The following CDKN2B-AS1 variants were observed in gnomAD, a reference collection of about 807,000 sequenced individuals.
CDKN2B-AS1 encodes CDKN2B and CDKN2A antisense cis and trans regulatory RNA 1, also known as CDKN2B antisense RNA 1 (non-protein coding).
intron 1 of CDKN2B-AS1, among the ~76,000 whole-genome samples, chr9:22,011,938 AAGAG>A (rs1821526738): frequency 6.6e-6 from 1 of 152,216 alleles, no homozygotes. Flanking sequence ...AGAAGAAAGA[AAGAG>A]AAAGTTAATG....
intron 4 of CDKN2B-AS1, among the ~76,000 whole-genome samples, chr9:22,058,194 C>T (rs990932288): frequency 6.6e-6 from 1 of 152,180 alleles, no homozygotes; most frequent in African/African-American, 2.4e-5. Context: ...AACTCCATCT[C>T]AAAAATGAAA....
chr9:22,108,711 T>C lies in CDKN2B-AS1; in HGVS notation n.439-18392T>C, dbSNP rs577156344. 5.9e-5 allele frequency among the ~76,000 whole-genome samples: 9 copies of C among 152,344 alleles called. No individual in the cohort carries two copies. In the East Asian group the frequency reaches 1.7e-3, roughly 29 times the overall value. On this transcript the variant is annotated intron_variant and non_coding_transcript_variant, in intron 4 of 4. Coordinates refer to ENST00000650946, the Ensembl canonical transcript of CDKN2B-AS1. The stretch of plus-strand genomic sequence containing the variant: ...TTTAAAAAGTCTCCCAAATGGATTA[T>C]ATTTAATTGTCCATTTCCAATGAAA...
Position 22,039,343 on chromosome 9 carries a change from G to A in CDKN2B-AS1, n.30-7408G>A, listed in dbSNP as rs1183186110. On this transcript the variant is annotated intron_variant and non_coding_transcript_variant, in intron 1 of 4. Transcript: ENST00000650946. This position sits in a 1 kb window ranked among gnomAD's most constrained non-coding sequence, Gnocchi z 4.4. ...AATCCCTCAGTAGTCCTGTCTTTAT[G>A]AAACCAGTATAATTTTTCTTTTCGC... 6.6e-6 allele frequency among the ~76,000 whole-genome samples: 1 copy of A among 151,908 alleles called. No individual in the cohort carries two copies. Among genetic ancestry groups the A allele is most frequent in the African/African-American group, 2.4e-5 (1 of 41,374 alleles).
intron 1 of CDKN2B-AS1, among the ~76,000 whole-genome samples, chr9:22,043,042 CTT>C (rs1304909373): frequency 6.6e-6 from 1 of 152,028 alleles, no homozygotes; most frequent in African/African-American, 2.4e-5. Context: ...TTTTTAGCGT[CTT>C]TTCTCTCCAT....
At chr9:22,066,438 A>T (rs964298316) in intron 4 of CDKN2B-AS1, 1 of 151,736 alleles carries the variant, frequency 6.6e-6, no homozygotes, top group Non-Finnish European at 1.5e-5. Flanking sequence ...CCAGAGATCC[A>T]CCTGCCTCAG....
chr9:22,044,043 A>G (rs554244197), intron 1 of CDKN2B-AS1, among the ~76,000 whole-genome samples: 1 of 152,132 alleles, frequency 6.6e-6, no homozygotes, highest in Non-Finnish European at 1.5e-5. Flanking sequence ...TATCCTCACA[A>G]CAAATTTTAG....
chr9:22,027,098 C>A (rs1822269381), intron 1 of CDKN2B-AS1, among the ~76,000 whole-genome samples: 1 of 151,666 alleles, frequency 6.6e-6, no homozygotes, highest in Admixed American at 6.6e-5. Context: ...TCACCCCTTT[C>A]TTTCCGCCCT....
At chr9:22,012,253 G>A (rs1428234474) in intron 1 of CDKN2B-AS1, 4 of 1,433,432 alleles carry the variant, frequency 2.8e-6, no homozygotes, top group Non-Finnish European at 2.9e-6. Context: ...TTCAAGACAA[G>A]GAGGGTATCC....
At chr9:22,098,226 TTA>T (rs1248611104) in intron 4 of CDKN2B-AS1, among the ~76,000 whole-genome samples, 2 of 151,274 alleles carry the variant, frequency 1.3e-5, no homozygotes, top group Non-Finnish European at 3.0e-5. Context: ...ATGTGTATAT[TTA>T]TATATGTGTG....
chr9:22,081,577 G>A (rs1824695633), intron 4 of CDKN2B-AS1, among the ~76,000 whole-genome samples: 1 of 152,200 alleles, frequency 6.6e-6, no homozygotes, highest in East Asian at 1.9e-4. Context: ...AACAAGTTGT[G>A]GGTCTGAGCA....
chr9:22,057,596 C>T lies in CDKN2B-AS1; in HGVS notation n.438+1209C>T, dbSNP rs1319773648. Among the ~76,000 whole-genome samples the T allele has an allele frequency of 4.0e-5, 6 of 151,842 alleles. No homozygotes were observed. In the East Asian group the frequency reaches 7.8e-4, roughly 20 times the overall value. The stretch of plus-strand genomic sequence containing the variant: ...GGCCAAGGTGGGCTGATTGCTTGAG[C>T]TCAGGAGTTCGAGGCCAGCTTGGGC... On this transcript the variant is annotated intron_variant and non_coding_transcript_variant, in intron 4 of 4. Transcript: ENST00000650946.
chr9:21,995,462 CAG>C lies in CDKN2B-AS1; in HGVS notation n.29+303_29+304del. On this transcript the variant is annotated intron_variant and non_coding_transcript_variant, in intron 1 of 4. Coordinates refer to ENST00000650946, the Ensembl canonical transcript of CDKN2B-AS1. The surrounding 1 kb of genome is among the most constrained non-coding windows in gnomAD (Gnocchi z 5.7). ...CCGCCTCCACGCTCTGCCCCGCGCC[CAG>C]ACACCCCGACTCCCCTTGATCCCGC... 6.5e-6 allele frequency: 1 copy of C among 152,680 alleles called. No homozygotes were observed. Among genetic ancestry groups the C allele is most frequent in the Non-Finnish European group, 1.5e-5 (1 of 68,256 alleles). 9.5% of individuals were successfully genotyped at this position (152,680 alleles called of 1,614,324 possible).
chr9:22,057,767 A>T (rs1162691622), intron 4 of CDKN2B-AS1, among the ~76,000 whole-genome samples: 1 of 151,666 alleles, frequency 6.6e-6, no homozygotes, highest in Non-Finnish European at 1.5e-5. Flanking sequence ...AGGTAGTGCC[A>T]CTGCACTCCA....
At chr9:22,024,633 G>A (rs907943813) in intron 1 of CDKN2B-AS1, among the ~76,000 whole-genome samples, 1 of 152,206 alleles carries the variant, frequency 6.6e-6, no homozygotes, top group Non-Finnish European at 1.5e-5. Flanking sequence ...GCTGTGTGCT[G>A]CTAAGGTTCT....
rs557498652 is a variant in CDKN2B-AS1 at position 22,044,192 on chromosome 9, A to G, written n.30-2559A>G. 3.9e-5 allele frequency among the ~76,000 whole-genome samples: 6 copies of G among 152,094 alleles called. No homozygotes were observed. In the South Asian group the frequency reaches 1.2e-3, roughly 32 times the overall value. On this transcript the variant is annotated intron_variant and non_coding_transcript_variant, in intron 1 of 4. Coordinates refer to ENST00000650946, the Ensembl canonical transcript of CDKN2B-AS1. ...TGTACTTTATTTTTAGTCAGCTCAGATTTCACACCTGACTATTTTACAAAA... is the reference window on the plus strand; with the variant it reads ...TGTACTTTATTTTTAGTCAGCTCAGGTTTCACACCTGACTATTTTACAAAA...
In CDKN2B-AS1 at chr9:22,005,936, G is replaced by T. The variant is rs1157995763; in HGVS notation, n.29+10775G>T. The T allele has an allele frequency of 6.3e-7, 1 of 1,592,742 alleles. No homozygotes were observed. Among genetic ancestry groups the T allele is most frequent in the Non-Finnish European group, 8.5e-7 (1 of 1,177,336 alleles). ...TCATCGAATTAGGTGGGTGGGGGTG[G>T]GAAATTGGGTAAGAAAATAAAGTCG... On this transcript the variant is annotated intron_variant and non_coding_transcript_variant, in intron 1 of 4. Transcript: ENST00000650946. This position sits in a 1 kb window ranked among gnomAD's most constrained non-coding sequence, Gnocchi z 4.9.
At chr9:22,066,212 ATT>A (rs145929329) in intron 4 of CDKN2B-AS1, 87,585 of 149,802 alleles carry the variant, frequency 0.58, 25,834 homozygotes, top group Middle Eastern at 0.74. Context: ...TAAAAATTCT[ATT>A]TTTTTTTTTT....
At chr9:22,078,499 C>T (rs1206524138) in intron 4 of CDKN2B-AS1, among the ~76,000 whole-genome samples, 1 of 152,148 alleles carries the variant, frequency 6.6e-6, no homozygotes, top group Non-Finnish European at 1.5e-5. Context: ...ACATTTTAAG[C>T]AGTGTTGCAT....
intron 4 of CDKN2B-AS1, among the ~76,000 whole-genome samples, chr9:22,123,178 A>G: frequency 6.6e-6 from 1 of 152,168 alleles, no homozygotes; most frequent in East Asian, 1.9e-4. Flanking sequence ...GTATAGAAAT[A>G]CTACTGATTT....
Sources: gnomAD v4.1 joint callset for allele counts (sites outside exome capture counted in the v4.1 genomes callset) on GRCh38, gnomAD v4.1.1 for gene constraint, Gnocchi (gnomAD v3.1) non-coding constraint, MANE v1.5 for transcripts, NCBI Gene and HGNC (gene_info 2026-07-23, HGNC 2026-07-21) for gene names.